Variants in NEB observed in about 807,000 individuals in gnomAD.
NEB encodes nebulin, also known as nemaline myopathy type 2.
A neutral mutation model predicts 952.2 loss-of-function variants in NEB; 512 were observed. The observed-to-expected ratio is 0.54, with a 90% CI of 0.50 to 0.58. The LOEUF is 0.58. NEB is among the 20% of genes least tolerant of loss of function. The pLI is 0.00. For synonymous variants in NEB, 2,900 were observed against 3,149.8 expected, an observed-to-expected ratio of 0.92 and a Z score of 2.66; for missense variants, 8,428 against 9,231.1, an observed-to-expected ratio of 0.91 and a Z score of 3.56.
chr2:151,522,970 T>C (rs1248622975), intron 153 of NEB, among the ~76,000 whole-genome samples: 1 of 152,148 alleles, frequency 6.6e-6, no homozygotes, highest in Non-Finnish European at 1.5e-5. Flanking sequence ...ATGGGACCCA[T>C]AGGGTCCCAT....
At chr2:151,618,126 C>A in intron 74 of NEB, 149 bp downstream of exon 74, 1 of 714,198 alleles carries the variant, frequency 1.4e-6, no homozygotes, top group South Asian at 1.7e-5. Flanking sequence ...TTTGAAGTAT[C>A]ACTAAGTAAC....
Position 151,644,457 on chromosome 2 carries a change from T to C in NEB, c.7644+11A>G. ...CAATCAAATCAATATCAACAGAGGA[T>C]AAAATCTTACTTCACTGGCAATTTC... On this transcript the variant is annotated intron_variant, in intron 56 of 181. Transcript: ENST00000397345. 1 of 1,598,840 alleles carries C rather than the reference T, an allele frequency of 6.3e-7. No individual in the cohort carries two copies. The highest frequency in any genetic ancestry group is 8.6e-7 in the Non-Finnish European group (1 of 1,166,248).
intron 36 of NEB, among the ~76,000 whole-genome samples, chr2:151,672,905 A>G (rs1388488059): frequency 6.6e-6 from 1 of 152,242 alleles, no homozygotes; most frequent in Non-Finnish European, 1.5e-5. Context: ...TATGACTCCT[A>G]CAGATAATTT....
intron 8 of NEB, 102 bp downstream of exon 8, chr2:151,724,158 G>T: frequency 1.1e-6 from 1 of 912,014 alleles, no homozygotes; most frequent in Non-Finnish European, 1.7e-6. Context: ...TAAAAAGATT[G>T]GGGAATTGTA....
intron 68 of NEB, among the ~76,000 whole-genome samples, chr2:151,628,049 C>T (rs551850674): frequency 6.6e-6 from 1 of 152,124 alleles, no homozygotes; most frequent in Non-Finnish European, 1.5e-5. Context: ...AATAGTCTAA[C>T]AGCAACAGTC....
At chr2:151,636,430 T>G (rs2098764535) in intron 63 of NEB, 96 bp from the exon 64 acceptor site, 1 of 930,316 alleles carries the variant, frequency 1.1e-6, no homozygotes, top group Non-Finnish European at 1.6e-6. Flanking sequence ...AGACAGTGCC[T>G]ATAATAATCT....
chr2:151,676,149 C>T (rs577022318), intron 34 of NEB, among the ~76,000 whole-genome samples: 14 of 152,314 alleles, frequency 9.2e-5, no homozygotes, highest in African/African-American at 3.1e-4. Context: ...AACTGGTATG[C>T]ATGTACCCAA....
intron 46 of NEB, 108 bp from the exon 47 acceptor site, chr2:151,659,277 T>A: frequency 1.6e-6 from 1 of 608,106 alleles, no homozygotes; most frequent in Non-Finnish European, 2.8e-6. Flanking sequence ...TTTTATTAGC[T>A]AGGTTTAAAT....
In NEB at chr2:151,716,157, T is replaced by C. The variant is rs1559560131; in HGVS notation, c.822+1259A>G. 3 of 440,414 alleles carry C rather than the reference T, an allele frequency of 6.8e-6. No individual in the cohort carries two copies. The Admixed American group carries it at 7.5e-5, about 11-fold the overall frequency. The allele number at this position is 440,414 out of a possible 1,614,324, so 27.3% of individuals were successfully genotyped here. On this transcript the variant is annotated intron_variant, in intron 10 of 181. Coordinates refer to ENST00000397345, the MANE Select transcript of NEB (RefSeq NM_001164508.2). ...TTTTTTTTTTCTTTTTTTCTCTTTT[T>C]GAGACAGTTTCACACTTGTTGCCCA...
At chr2:151,648,199 C>A (rs2098984841) in intron 54 of NEB, among the ~76,000 whole-genome samples, 1 of 152,014 alleles carries the variant, frequency 6.6e-6, no homozygotes, top group South Asian at 2.1e-4. Flanking sequence ...GAAATTATTT[C>A]AATAAAAAAT....
chr2:151,488,497 A>AG (rs1253412059), intron 181 of NEB, among the ~76,000 whole-genome samples: 1 of 151,168 alleles, frequency 6.6e-6, no homozygotes, highest in Non-Finnish European at 1.5e-5. Context: ...AAAAAAAAAA[A>AG]TTAGCCTAGA....
chr2:151,537,819 G>A, intron 140 of NEB, 53 bp downstream of exon 140: 1 of 1,228,028 alleles, frequency 8.1e-7, no homozygotes, highest in South Asian at 1.8e-5. Flanking sequence ...TGATTTCAGA[G>A]CTTATATGGG....
In NEB at chr2:151,576,269, G is replaced by A. The variant is rs777969701; in HGVS notation, c.16790C>T (p.Ala5597Val). ...GACACTGTCACAAAAGATATTCTGGGCGTTTTTGACTCTCAACACTTCAGG... is the reference window on the plus strand; with the variant it reads ...GACACTGTCACAAAAGATATTCTGGACGTTTTTGACTCTCAACACTTCAGG... ...GSPEVLRVKN[A>V]QNIFCDSVYR... The change falls in exon 106 of 182, where the codon GCC becomes GTC. Residue 5597 changes from alanine (A) to valine (V), a missense_variant. This residue lies in a region of NEB where 3,374 missense variants were observed against 3,651.5 expected (regional missense o/e 0.92). Transcript: ENST00000397345. 2 of 1,611,040 alleles carry A rather than the reference G, an allele frequency of 1.2e-6. No individual in the cohort carries two copies. Among genetic ancestry groups the A allele is most frequent in the East Asian group, 2.2e-5 (1 of 44,838 alleles).
At chr2:151,554,695 T>G (rs1242427575) in intron 125 of NEB, among the ~76,000 whole-genome samples, 3 of 152,230 alleles carry the variant, frequency 2.0e-5, no homozygotes, top group African/African-American at 7.2e-5. Flanking sequence ...ATGCTGAGTT[T>G]TTACTGTACC....
rs921972170 is a variant in NEB, at chr2:151,672,404, C to G, written c.4264G>C (p.Glu1422Gln). The G allele has an allele frequency of 3.7e-6, 6 of 1,610,568 alleles. No individual in the cohort carries two copies. The Admixed American group carries it at 6.7e-5, about 18-fold the overall frequency. Residue 1422 changes from glutamate to glutamine, a missense_variant, in exon 37 of 182, where the codon GAG (glutamate) becomes CAG (glutamine). This residue lies in a region of NEB where 2,851 missense variants were observed against 2,791.5 expected (regional missense o/e 1.02). Transcript: ENST00000397345. ...ATTTGATTGACATTCCTCGTATGCT[C>G]AAGACTCATGGCGTCAGGTAGGTAT... is the stretch of plus-strand genomic sequence containing the variant. ...YTYLPDAMSL[E>Q]HTRNVNQIQS...
intron 40 of NEB, among the ~76,000 whole-genome samples, chr2:151,667,114 C>T (rs1010678195): frequency 2.1e-5 from 3 of 143,868 alleles, no homozygotes; most frequent in African/African-American, 5.1e-5. Context: ...AATAGAAATA[C>T]GAAAAACCAG....
chr2:151,540,474 G>A (rs745415126), intron 137 of NEB, 26 bp from the exon 138 acceptor site: 2 of 1,509,952 alleles, frequency 1.3e-6, no homozygotes, highest in South Asian at 1.2e-5. Flanking sequence ...AGAAGAGAGA[G>A]ACAAGCTTAA....
chr2:151,504,645 G>C (rs568043024), intron 165 of NEB, among the ~76,000 whole-genome samples: 4 of 152,126 alleles, frequency 2.6e-5, no homozygotes, highest in African/African-American at 9.7e-5. Context: ...CAAGACCAAG[G>C]TCCTCCCCTT....
intron 2 of NEB, 72 bp from the exon 3 acceptor site, chr2:151,733,257 TA>T: frequency 9.1e-7 from 1 of 1,093,928 alleles, no homozygotes; most frequent in East Asian, 2.6e-5. Context: ...TATGACATTA[TA>T]AAAATAGAAT....
Sources: gnomAD v4.1 joint callset for allele counts (sites outside exome capture counted in the v4.1 genomes callset) on GRCh38, gnomAD v4.1.1 for gene constraint, gnomAD v4.1.1 regional missense constraint, MANE v1.5 for transcripts, NCBI Gene and HGNC (gene_info 2026-07-23, HGNC 2026-07-21) for gene names.